TMEM132D: variants seen among roughly 807,000 people sequenced by gnomAD.
TMEM132D encodes mature OL transmembrane protein.
A neutral mutation model predicts 62.3 loss-of-function variants in TMEM132D; 21 were observed. The ratio of observed to expected loss-of-function variants is 0.34; its 90% CI spans 0.24 to 0.49. The LOEUF (loss-of-function observed/expected upper bound fraction) is 0.49, where lower values mean the gene tolerates loss of function less well. Ranked by LOEUF, TMEM132D falls within the 20% of genes least tolerant of loss-of-function variation. The pLI, the probability that TMEM132D is intolerant of heterozygous loss-of-function variation, is 0.99. For missense variants in TMEM132D, 1,346 were observed against 1,402.8 expected (o/e 0.96, Z 0.65); for synonymous variants, 621 against 575.6 (o/e 1.08, Z -1.13).
intron 4 of TMEM132D, among the ~76,000 whole-genome samples, chr12:129,322,894 C>A (rs2135644394): frequency 6.6e-6 from 1 of 152,234 alleles, no homozygotes; most frequent in East Asian, 1.9e-4. Context: ...TTGCAAAATC[C>A]TTTCCTTAAT....
chr12:129,272,212 G>C (rs533382763), intron 4 of TMEM132D, among the ~76,000 whole-genome samples: 67 of 151,936 alleles, frequency 4.4e-4, no homozygotes, highest in Middle Eastern at 3.4e-3. Context: ...CGCATGCCCT[G>C]GGCACTTGCT....
chr12:129,429,586 T>C (rs1020839006), intron 3 of TMEM132D, among the ~76,000 whole-genome samples: 6 of 151,432 alleles, frequency 4.0e-5, no homozygotes, highest in African/African-American at 7.3e-5. Flanking sequence ...TTCTTTCTTT[T>C]TTTTTTTTTT....
chr12:129,400,788 T>G (rs1871598661), intron 3 of TMEM132D, among the ~76,000 whole-genome samples: 1 of 152,186 alleles, frequency 6.6e-6, no homozygotes. Context: ...TATATAATAT[T>G]TTTCAAATTA....
chr12:129,180,846 C>T (rs772753385), intron 5 of TMEM132D, among the ~76,000 whole-genome samples: 31 of 151,890 alleles, frequency 2.0e-4, no homozygotes, highest in Admixed American at 1.4e-3. Context: ...GAACGTGGTA[C>T]GAGTCAGGGC....
Position 129,692,390 on chromosome 12 carries a change from G to A in TMEM132D, c.968+7420C>T, listed in dbSNP as rs143924766. 4.9e-3 allele frequency among the ~76,000 whole-genome samples: 744 copies of A among 152,292 alleles called. 7 individuals carry two copies. The highest frequency in any genetic ancestry group is 0.017 in the African/African-American group (699 of 41,554). On this transcript the variant is annotated intron_variant, in intron 2 of 8. Coordinates refer to ENST00000422113, the MANE Select transcript of TMEM132D (RefSeq NM_133448.3). ...AAACTGCCCACTTTTCAATGGGGTC[G>A]TTTGTTTTTTCTTGTGAATTTGCCT...
At chr12:129,696,886 C>G (rs1223011954) in intron 2 of TMEM132D, among the ~76,000 whole-genome samples, 1 of 152,200 alleles carries the variant, frequency 6.6e-6, no homozygotes, top group African/African-American at 2.4e-5. Context: ...TCTTTTCCTG[C>G]AGATGTCACC....
At chr12:129,156,393 C>T (rs182285523) in intron 5 of TMEM132D, among the ~76,000 whole-genome samples, 2 of 152,274 alleles carry the variant, frequency 1.3e-5, no homozygotes, top group African/African-American at 2.4e-5. Flanking sequence ...AAACCTACTC[C>T]CAAGATAACC....
intron 4 of TMEM132D, among the ~76,000 whole-genome samples, chr12:129,281,889 G>C (rs1246548567): frequency 1.3e-5 from 2 of 152,156 alleles, no homozygotes; most frequent in South Asian, 2.1e-4. Context: ...AAAAGACCAG[G>C]TGTCTTTCCT....
intron 2 of TMEM132D, among the ~76,000 whole-genome samples, chr12:129,563,785 C>G (rs919236309): frequency 7.2e-5 from 11 of 152,094 alleles, no homozygotes; most frequent in Non-Finnish European, 1.0e-4. Context: ...AGAGAACACC[C>G]ATCTGAGATG....
chr12:129,621,425 A>G (rs566516930), intron 2 of TMEM132D, among the ~76,000 whole-genome samples: 13 of 152,234 alleles, frequency 8.5e-5, no homozygotes, highest in African/African-American at 3.1e-4. Context: ...CTATTCATGC[A>G]CATTTCTCCT....
At chr12:129,187,944 A>G (rs754857076) in intron 5 of TMEM132D, among the ~76,000 whole-genome samples, 6 of 152,222 alleles carry the variant, frequency 3.9e-5, no homozygotes, top group Non-Finnish European at 8.8e-5. Flanking sequence ...TACTTTTACA[A>G]TTTAGTCTGG....
chr12:129,451,564 T>C lies in TMEM132D; in HGVS notation c.1115+79495A>G, dbSNP rs982832532. On this transcript the variant is annotated intron_variant, in intron 3 of 8. Transcript: ENST00000422113. ...GGATACTAAGCAAAAAATCTCATGA[T>C]AAAATATGTGAAGCCAAAGACTAAA... is the stretch of plus-strand genomic sequence containing the variant. Among the ~76,000 whole-genome samples, 7 of 152,186 alleles carry C rather than the reference T, an allele frequency of 4.6e-5. No individual in the cohort carries two copies. In the South Asian group the frequency reaches 1.0e-3, roughly 22 times the overall value.
chr12:129,087,026 G>T (rs1396674998), intron 5 of TMEM132D, among the ~76,000 whole-genome samples: 2 of 152,022 alleles, frequency 1.3e-5, no homozygotes, highest in African/African-American at 4.8e-5. Flanking sequence ...CAAATCCTAA[G>T]TCTACCATAC....
intron 2 of TMEM132D, among the ~76,000 whole-genome samples, chr12:129,627,188 T>C (rs1436144354): frequency 6.6e-6 from 1 of 152,164 alleles, no homozygotes; most frequent in Admixed American, 6.5e-5. Context: ...CAAACAGTCA[T>C]GCACTGCACA....
At chr12:129,345,663 C>T (rs1869658468) in intron 3 of TMEM132D, among the ~76,000 whole-genome samples, 1 of 152,116 alleles carries the variant, frequency 6.6e-6, no homozygotes, top group African/African-American at 2.4e-5. Flanking sequence ...TAAAAACCTG[C>T]AGCAGGTGTG....
intron 3 of TMEM132D, among the ~76,000 whole-genome samples, chr12:129,483,624 A>G (rs180714241): frequency 1.3e-5 from 2 of 152,356 alleles, no homozygotes; most frequent in Admixed American, 1.3e-4. Flanking sequence ...TTGGAACATC[A>G]TTTTGAGTGA....
chr12:129,335,080 A>G (rs1220612746), intron 4 of TMEM132D, among the ~76,000 whole-genome samples: 4 of 151,510 alleles, frequency 2.6e-5, no homozygotes, highest in African/African-American at 9.7e-5. Context: ...CATAATATAG[A>G]TAACACTTAC....
intron 5 of TMEM132D, among the ~76,000 whole-genome samples, chr12:129,104,449 G>A (rs1346662141): frequency 1.6e-4 from 24 of 152,274 alleles, no homozygotes; most frequent in Non-Finnish European, 2.9e-4. Flanking sequence ...CTAGAAGAAA[G>A]CCTAGGCTTT....
chr12:129,288,597 A>T (rs1881366435), intron 4 of TMEM132D, among the ~76,000 whole-genome samples: 1 of 152,222 alleles, frequency 6.6e-6, no homozygotes, highest in Non-Finnish European at 1.5e-5. Context: ...ATGAAGACAA[A>T]GACAGCAAGC....
Sources: gnomAD v4.1 joint callset for allele counts (sites outside exome capture counted in the v4.1 genomes callset) on GRCh38, gnomAD v4.1.1 for gene constraint, MANE v1.5 for transcripts, NCBI Gene and HGNC (gene_info 2026-07-23, HGNC 2026-07-21) for gene names.